The following DNAH5 variants were observed in gnomAD, a reference collection of about 807,000 sequenced individuals.
DNAH5 encodes the protein axonemal beta dynein heavy chain 5.
DNAH5 carries 372 observed loss-of-function variants against 518.2 expected under a neutral mutation model. The ratio of observed to expected loss-of-function variants is 0.72; its 90% CI spans 0.66 to 0.78. The LOEUF (loss-of-function observed/expected upper bound fraction) is 0.78, where lower values mean the gene tolerates loss of function less well. Ranked by LOEUF, DNAH5 falls within the 30% of genes least tolerant of loss-of-function variation. The probability of loss-of-function intolerance (pLI) is 0.00; values close to 1 mark genes in which losing one functional copy is unlikely to be tolerated. For missense variants in DNAH5, 5,523 were observed against 5,687.0 expected (o/e 0.97, Z 0.93); for synonymous variants, 2,039 against 2,025.9 (o/e 1.01, Z -0.17).
At chr5:13,824,392 T>C in intron 38 of DNAH5, 59 bp from the exon 39 acceptor site, 1 of 1,522,308 alleles carries the variant, frequency 6.6e-7, no homozygotes, top group South Asian at 1.1e-5. Flanking sequence ...GCAGAAGCCA[T>C]ATGAATCTGA....
Position 13,707,480 on chromosome 5 carries a change from AT to A in DNAH5, c.13338+642del, listed in dbSNP as rs1742948131. ...AAACTGAAAGAGTACACTGTAACACATGCCCATTCGGGAGCTGTAAACACTA... is the reference window on the plus strand; with the variant it reads ...AAACTGAAAGAGTACACTGTAACACAGCCCATTCGGGAGCTGTAAACACTA... On this transcript the variant is annotated intron_variant, in intron 76 of 78. Transcript: ENST00000265104. The surrounding 1 kb of genome is among the most constrained non-coding windows in gnomAD (Gnocchi z 4.0). 1.3e-5 allele frequency among the ~76,000 whole-genome samples: 2 copies of A among 152,180 alleles called. No homozygotes were observed. The highest frequency in any genetic ancestry group is 4.1e-4 in the South Asian group (2 of 4,836).
intron 1 of DNAH5, among the ~76,000 whole-genome samples, chr5:13,972,175 C>T (rs1197349861): frequency 6.6e-6 from 1 of 152,172 alleles, no homozygotes; most frequent in Non-Finnish European, 1.5e-5. Context: ...ACCGTGGGCC[C>T]CCAACAGCAG....
chr5:13,786,623 A>G (rs1319131052), intron 51 of DNAH5, among the ~76,000 whole-genome samples: 1 of 152,194 alleles, frequency 6.6e-6, no homozygotes, highest in Non-Finnish European at 1.5e-5. Context: ...ACAACTGATT[A>G]TTGGCATTTC....
At chr5:13,941,958 A>C (rs1340809476) in intron 1 of DNAH5, among the ~76,000 whole-genome samples, 1 of 152,174 alleles carries the variant, frequency 6.6e-6, no homozygotes, top group Non-Finnish European at 1.5e-5. Flanking sequence ...AAAGTTATAG[A>C]CTTCAGTTTC....
rs761622153 is a variant in DNAH5 at position 13,841,112 on chromosome 5, G to A, written c.5503C>T (p.Gln1835Ter). ...TCTGAATCCCGTGTCCATATCATCT[G>A]AATTCCTAATAATCCAACCTTATGG... ...FPAQVGLLGI[Q>*]MIWTRDSEEA... The change falls in exon 34 of 79, where the codon CAG becomes TAG. Residue 1835 changes from glutamine to a stop codon, truncating the protein, a stop_gained. Transcript: ENST00000265104. LOFTEE classifies it high-confidence loss of function. 2.7e-5 allele frequency: 43 copies of A among 1,613,846 alleles called. No individual in the cohort carries two copies. The Middle Eastern group carries it at 5.3e-3, about 198-fold the overall frequency.
chr5:13,751,367 C>T, intron 64 of DNAH5, 107 bp from the exon 65 acceptor site: 2 of 1,094,112 alleles, frequency 1.8e-6, no homozygotes, highest in Non-Finnish European at 2.7e-6. Flanking sequence ...AATTGGAGAT[C>T]ATTTGTATAC....
rs1740748172 is a variant in DNAH5 at position 13,691,976 on chromosome 5, C to T, written c.*8G>A. ...TCCAAAGCATTGGGTGGGGACACTC[C>T]CCACATGTTACTTGACATCACACAG... On this transcript the variant is annotated 3_prime_UTR_variant, in exon 79 of 79. Coordinates refer to ENST00000265104, the MANE Select transcript of DNAH5 (RefSeq NM_001369.3). The T allele has an allele frequency of 1.9e-6, 3 of 1,614,006 alleles. No individual in the cohort carries two copies. The highest frequency in any genetic ancestry group is 1.7e-6 in the Non-Finnish European group (2 of 1,179,968).
intron 22 of DNAH5, among the ~76,000 whole-genome samples, chr5:13,875,927 C>T (rs1034439455): frequency 1.3e-5 from 2 of 152,162 alleles, no homozygotes; most frequent in Non-Finnish European, 2.9e-5. Flanking sequence ...ATGAACGTAA[C>T]TCATTGTATC....
intron 1 of DNAH5, among the ~76,000 whole-genome samples, chr5:13,936,319 A>C (rs1778919788): frequency 6.6e-6 from 1 of 152,218 alleles, no homozygotes; most frequent in Non-Finnish European, 1.5e-5. Context: ...ACGTTTACAC[A>C]ATCTACAGAC....
intron 47 of DNAH5, among the ~76,000 whole-genome samples, chr5:13,803,473 A>G (rs1319047594): frequency 6.6e-6 from 1 of 152,218 alleles, no homozygotes; most frequent in Non-Finnish European, 1.5e-5. Flanking sequence ...AGGCCATTGG[A>G]AGGAAGCATG....
At chr5:13,926,448 G>A (rs1010817315) in intron 3 of DNAH5, among the ~76,000 whole-genome samples, 2 of 152,158 alleles carry the variant, frequency 1.3e-5, no homozygotes, top group Non-Finnish European at 2.9e-5. Context: ...TGTGGACAAG[G>A]GGTAGAAGAC....
At chr5:13,972,057 T>C (rs114478730) in intron 1 of DNAH5, among the ~76,000 whole-genome samples, 3,457 of 152,076 alleles carry the variant, frequency 0.023, 50 homozygotes, top group South Asian at 0.058. Flanking sequence ...CCCAGGAGGA[T>C]TATGGCTGCT....
intron 9 of DNAH5, 150 bp from the exon 10 acceptor site, chr5:13,914,792 C>T (rs1454290821): frequency 2.7e-6 from 2 of 753,298 alleles, no homozygotes; most frequent in Non-Finnish European, 4.3e-6. Context: ...AGTTATAATC[C>T]ACCAATAACC....
chr5:13,912,352 A>C (rs1367317266), intron 11 of DNAH5, among the ~76,000 whole-genome samples: 2 of 152,068 alleles, frequency 1.3e-5, no homozygotes, highest in Non-Finnish European at 2.9e-5. Context: ...TTACTAGATA[A>C]AACAACCTAC....
chr5:13,947,285 G>A (rs1780003872), upstream of DNAH5, among the ~76,000 whole-genome samples: 1 of 152,066 alleles, frequency 6.6e-6, no homozygotes, highest in Middle Eastern at 3.2e-3. Flanking sequence ...CTAAATTATG[G>A]AGTCATCTAC....
chr5:13,953,963 C>G (rs974192735), intron 1 of DNAH5, among the ~76,000 whole-genome samples: 1 of 152,168 alleles, frequency 6.6e-6, no homozygotes, highest in African/African-American at 2.4e-5. Flanking sequence ...CCACCTCGGC[C>G]TCCCAAAGTG....
intron 47 of DNAH5, among the ~76,000 whole-genome samples, chr5:13,796,246 G>C (rs570814420): frequency 2.5e-4 from 38 of 152,320 alleles, no homozygotes; most frequent in Non-Finnish European, 4.4e-5. Context: ...ATTAGGAAAT[G>C]AGGAAGTCAA....
intron 61 of DNAH5, among the ~76,000 whole-genome samples, chr5:13,755,122 A>G (rs1750808103): frequency 6.6e-6 from 1 of 152,122 alleles, no homozygotes; most frequent in South Asian, 2.1e-4. Context: ...GCTCAAAAAA[A>G]CACAAAAAGC....
At chr5:13,981,176 G>A (rs79093780) in intron 1 of DNAH5, among the ~76,000 whole-genome samples, 16,167 of 152,248 alleles carry the variant, frequency 0.11, 965 homozygotes, top group East Asian at 0.17. Context: ...TTGTGTCTGC[G>A]GCTGTATTCC....
Sources: gnomAD v4.1 joint callset for allele counts (sites outside exome capture counted in the v4.1 genomes callset) on GRCh38, gnomAD v4.1.1 for gene constraint, Gnocchi (gnomAD v3.1) non-coding constraint, MANE v1.5 for transcripts, NCBI Gene and HGNC (gene_info 2026-07-23, HGNC 2026-07-21) for gene names.